The following ARK2N variants were observed in gnomAD, a reference collection of about 807,000 sequenced individuals.
ARK2N encodes arkadia (RNF111) N-terminal like PKA signaling regulator 2N.
At chr18:46,247,641 TTAGTA>T in the ARK2N span, among the ~76,000 whole-genome samples, 1 of 152,246 alleles carries the variant, frequency 6.6e-6, no homozygotes, top group Non-Finnish European at 1.5e-5. Flanking sequence ...CAAGTGGCTT[TTAGTA>T]CCTCTTGGAG....
the ARK2N span, among the ~76,000 whole-genome samples, chr18:46,184,281 C>T: frequency 1.3e-5 from 2 of 152,142 alleles, no homozygotes; most frequent in Non-Finnish European, 2.9e-5. Flanking sequence ...TAAGCCACTG[C>T]GCCCAGCAGT....
the ARK2N span, among the ~76,000 whole-genome samples, chr18:46,230,641 T>A: frequency 6.6e-6 from 1 of 152,230 alleles, no homozygotes; most frequent in Non-Finnish European, 1.5e-5. Flanking sequence ...TTTCCCTTTG[T>A]CTAATCTATC....
the ARK2N span, among the ~76,000 whole-genome samples, chr18:46,256,475 C>G: frequency 1.3e-5 from 2 of 151,964 alleles, no homozygotes; most frequent in African/African-American, 4.8e-5. Context: ...CTATGAAAAC[C>G]TGGAAATTTA....
At chr18:46,181,581 G>A in the ARK2N span, among the ~76,000 whole-genome samples, 1 of 152,052 alleles carries the variant, frequency 6.6e-6, no homozygotes, top group African/African-American at 2.4e-5. Context: ...AGACGTGGTG[G>A]CGGGCACCTG....
the ARK2N span, among the ~76,000 whole-genome samples, chr18:46,236,169 A>T: frequency 6.6e-6 from 1 of 152,128 alleles, no homozygotes; most frequent in Non-Finnish European, 1.5e-5. Context: ...CTAAAATTTT[A>T]TTTTATCGTT....
chr18:46,264,200 G>A, the ARK2N span: 1 of 152,624 alleles, frequency 6.6e-6, no homozygotes, highest in Admixed American at 6.5e-5. Flanking sequence ...GCACGTTAAT[G>A]TCATTGGTAA....
the ARK2N span, among the ~76,000 whole-genome samples, chr18:46,227,633 C>T: frequency 1.3e-5 from 2 of 151,550 alleles, no homozygotes; most frequent in East Asian, 1.9e-4. Context: ...GTTTTGCTCT[C>T]GTTGCCCAGG....
the ARK2N span, among the ~76,000 whole-genome samples, chr18:46,174,824 G>A: frequency 6.6e-6 from 1 of 152,198 alleles, no homozygotes; most frequent in Non-Finnish European, 1.5e-5. Flanking sequence ...GTCTGGCGCC[G>A]ACACCTGCCC....
At chr18:46,229,359 G>GT in the ARK2N span, among the ~76,000 whole-genome samples, 9 of 152,078 alleles carry the variant, frequency 5.9e-5, no homozygotes, top group African/African-American at 2.2e-4. Context: ...AGTACTTGTT[G>GT]TTTTTTGAGA....
the ARK2N span, among the ~76,000 whole-genome samples, chr18:46,242,466 C>T: frequency 6.6e-6 from 1 of 152,110 alleles, no homozygotes; most frequent in Non-Finnish European, 1.5e-5. Flanking sequence ...AATTGTTAGC[C>T]TATTTAAAAA....
At chr18:46,177,044 C>A in the ARK2N span, among the ~76,000 whole-genome samples, 1 of 152,150 alleles carries the variant, frequency 6.6e-6, no homozygotes, top group African/African-American at 2.4e-5. Context: ...AGCAACTGCA[C>A]CCGGCCTAAA....
chr18:46,175,203 A>G, the ARK2N span, among the ~76,000 whole-genome samples: 2 of 140,138 alleles, frequency 1.4e-5, no homozygotes, highest in African/African-American at 5.4e-5. Flanking sequence ...GAGCCCTACC[A>G]GATCCTTGAG....
the ARK2N span, among the ~76,000 whole-genome samples, chr18:46,214,258 G>A: frequency 6.6e-6 from 1 of 152,176 alleles, no homozygotes; most frequent in Non-Finnish European, 1.5e-5. Flanking sequence ...TTGATGGAGT[G>A]AGATGATGGA....
chr18:46,251,685 G>A, the ARK2N span, among the ~76,000 whole-genome samples: 1 of 152,130 alleles, frequency 6.6e-6, no homozygotes, highest in South Asian at 2.1e-4. Flanking sequence ...AGTGTTATGT[G>A]TAATACTTTA....
chr18:46,232,143 C>G, the ARK2N span: 3 of 152,100 alleles, frequency 2.0e-5, no homozygotes, highest in Admixed American at 2.0e-4. Flanking sequence ...CCAAAGTACC[C>G]TAAATTGATA....
the ARK2N span, among the ~76,000 whole-genome samples, chr18:46,252,857 C>T: frequency 6.6e-6 from 1 of 152,104 alleles, no homozygotes; most frequent in African/African-American, 2.4e-5. Context: ...TGCCATTAGC[C>T]ATTATTGAGA....
chr18:46,241,247 AT>A, the ARK2N span, among the ~76,000 whole-genome samples: 2 of 152,126 alleles, frequency 1.3e-5, no homozygotes, highest in African/African-American at 2.4e-5. Context: ...ACTGTAGCTA[AT>A]TTTGGAACTG....
chr18:46,205,930 A>G, the ARK2N span, among the ~76,000 whole-genome samples: 23 of 151,654 alleles, frequency 1.5e-4, no homozygotes, highest in Admixed American at 7.2e-4. Context: ...GGATTTTACC[A>G]TGTTTCCCAG....
the ARK2N span, among the ~76,000 whole-genome samples, chr18:46,242,884 C>A: frequency 6.6e-6 from 1 of 152,144 alleles, no homozygotes; most frequent in African/African-American, 2.4e-5. Context: ...TTAAGTGATA[C>A]TGCTCTTAAC....
Sources: allele counts gnomAD v4.1 joint callset (sites outside exome capture counted in the v4.1 genomes callset), GRCh38; gene constraint gnomAD v4.1.1; transcripts MANE v1.5; gene names NCBI Gene and HGNC (gene_info 2026-07-23, HGNC 2026-07-21).